NAA16: variants seen among roughly 807,000 people sequenced by gnomAD.
NAA16 encodes the protein NARG1-like protein.
Under a neutral mutation model 110.3 loss-of-function variants are expected in NAA16, and 97 were observed. The ratio of observed to expected loss-of-function variants is 0.88; its 90% confidence interval spans 0.75 to 1.04. The LOEUF (loss-of-function observed/expected upper bound fraction) is 1.04. NAA16 is among the 50% of genes least tolerant of loss of function. The pLI is 0.00. For synonymous variants in NAA16, 372 were observed against 330.6 expected, an observed-to-expected ratio of 1.13 and a Z score of -1.36; for missense variants, 1,017 against 1,005.1, an observed-to-expected ratio of 1.01 and a Z score of -0.16.
chr13:41,354,269 A>G (rs146561643), intron 9 of NAA16, among the ~76,000 whole-genome samples: 56 of 152,336 alleles, frequency 3.7e-4, no homozygotes, highest in Non-Finnish European at 6.9e-4. Flanking sequence ...TTTCATGGAC[A>G]CTGTCCTGTG....
chr13:41,372,259 T>G lies in NAA16; in HGVS notation c.2004T>G (p.Val668=). The change falls in exon 16 of 20, where the codon GTT becomes GTG. Residue 668 remains valine (V), a synonymous_variant. Transcript: ENST00000379406. ...TCCTTATACCTCTTAAGAACCTTGT[T>G]GCTGATAACATTGACACTCATCTGT... is the stretch of plus-strand genomic sequence containing the variant. ...VKFLIPLKNL[V]ADNIDTHLLA... 1 of 1,604,762 alleles carries G rather than the reference T, an allele frequency of 6.2e-7. No homozygotes were observed. The highest frequency in any genetic ancestry group is 8.5e-7 in the Non-Finnish European group (1 of 1,176,294).
intron 10 of NAA16, among the ~76,000 whole-genome samples, chr13:41,357,669 C>T (rs2043021222): frequency 6.6e-6 from 1 of 152,128 alleles, no homozygotes; most frequent in Non-Finnish European, 1.5e-5. Context: ...CTTGATATTT[C>T]TTTTCTGCTC....
At position 41,336,641 on chromosome 13, in the gene NAA16, T is replaced by C; in HGVS notation, c.908-9T>C. ...ACCAAAGAATAACAAAGTACGCTTT[T>C]GTTTCTAGGTGAAAGATTTAGAGAA... On this transcript the variant is annotated splice_polypyrimidine_tract_variant and intron_variant, in intron 8 of 19. Transcript: ENST00000379406. 6.7e-7 allele frequency: 1 copy of C among 1,494,772 alleles called. No individual in the cohort carries two copies. The highest frequency in any genetic ancestry group is 9.2e-7 in the Non-Finnish European group (1 of 1,091,894). 92.6% of individuals were successfully genotyped at this position (1,494,772 alleles called of 1,614,324 possible).
In NAA16 at chr13:41,375,599, T is replaced by C; in HGVS notation, c.2592T>C (p.Ile864=). The change falls in exon 20 of 20, where the codon ATT becomes ATC. Residue 864 remains isoleucine, a synonymous_variant. Coordinates refer to ENST00000379406, the MANE Select transcript of NAA16 (RefSeq NM_024561.5). ...TANYDVLANE[I] ...ATTATGATGTCTTGGCAAATGAAATTTGAAATCTTCTAGAAAGTAGACTCC... is the reference window on the plus strand; with the variant it reads ...ATTATGATGTCTTGGCAAATGAAATCTGAAATCTTCTAGAAAGTAGACTCC... 1.2e-6 allele frequency: 2 copies of C among 1,611,438 alleles called. No individual in the cohort carries two copies. The highest frequency in any genetic ancestry group is 3.3e-5 in the Admixed American group (2 of 59,862).
At chr13:41,336,282 G>T (rs1339314466) in intron 8 of NAA16, among the ~76,000 whole-genome samples, 2 of 152,104 alleles carry the variant, frequency 1.3e-5, no homozygotes, top group Non-Finnish European at 2.9e-5. Context: ...GAATGAATGA[G>T]TGTTGAAGTA....
intron 9 of NAA16, among the ~76,000 whole-genome samples, chr13:41,338,011 G>A (rs920980150): frequency 9.2e-5 from 14 of 152,172 alleles, no homozygotes; most frequent in Admixed American, 4.6e-4. Context: ...CTGTTGTATG[G>A]TCTATTTGAC....
At position 41,373,717 on chromosome 13, in the gene NAA16, T is replaced by G; in HGVS notation, c.2236T>G (p.Leu746Val). The change falls in exon 18 of 20, where the codon TTG becomes GTG. Residue 746 changes from leucine (L) to valine (V), a missense_variant. Physicochemically the swap from Leu to Val is conservative, Grantham distance 32. Coordinates refer to ENST00000379406, the MANE Select transcript of NAA16 (RefSeq NM_024561.5). ...GCAGAAAATATTTGTCAAAAAGGAT[T>G]TGGAAAGTTTTAATGAGGATTTTCT... ...EMQKIFVKKD[L>V]ESFNEDFLKR... 1 of 1,610,872 alleles carries G rather than the reference T, an allele frequency of 6.2e-7. No individual in the cohort carries two copies. The highest frequency in any genetic ancestry group is 8.5e-7 in the Non-Finnish European group (1 of 1,178,872).
intron 9 of NAA16, among the ~76,000 whole-genome samples, chr13:41,340,666 T>G (rs1358610314): frequency 6.0e-4 from 56 of 93,438 alleles, no homozygotes; most frequent in African/African-American, 3.2e-3. Flanking sequence ...TTTTTTTTTT[T>G]TTTTTTTTTT....
At chr13:41,346,738 A>G (rs971088221) in intron 9 of NAA16, among the ~76,000 whole-genome samples, 19 of 152,250 alleles carry the variant, frequency 1.2e-4, no homozygotes, top group African/African-American at 4.1e-4. Context: ...CTTGCATATT[A>G]AAGACATACT....
chr13:41,370,879 T>C (rs554837051), intron 15 of NAA16, among the ~76,000 whole-genome samples: 2 of 152,292 alleles, frequency 1.3e-5, no homozygotes, highest in South Asian at 2.1e-4. Flanking sequence ...TAGAACATTA[T>C]GAAAGTCTGG....
chr13:41,340,646 A>G (rs1303338822), intron 9 of NAA16, among the ~76,000 whole-genome samples: 3 of 83,672 alleles, frequency 3.6e-5, no homozygotes, highest in Admixed American at 1.5e-4. Context: ...GTTTTGAGTG[A>G]GTTTTTTTTT....
chr13:41,375,000 GCTT>G (rs2043400862), intron 19 of NAA16, among the ~76,000 whole-genome samples, 161 bp downstream of exon 19: 1 of 152,150 alleles, frequency 6.6e-6, no homozygotes. Context: ...ATGTCTCTTA[GCTT>G]CTTTTTCCTC....
intron 4 of NAA16, among the ~76,000 whole-genome samples, chr13:41,321,741 T>C (rs1593416106): frequency 7.0e-6 from 1 of 143,508 alleles, no homozygotes; most frequent in Admixed American, 7.2e-5. Flanking sequence ...CTTCGTATCC[T>C]AGAATCAGTA....
intron 5 of NAA16, among the ~76,000 whole-genome samples, chr13:41,323,652 ATT>A (rs149585307): frequency 2.2e-5 from 3 of 137,240 alleles, no homozygotes; most frequent in African/African-American, 2.7e-5. Context: ...GCGCCCGGCC[ATT>A]TTTTTTTTTT....
At position 41,369,104 on chromosome 13, in the gene NAA16, A is replaced by G; in HGVS notation, c.1768A>G (p.Lys590Glu). ...GATATTTATAGAAAACTTGTCAGCC[A>G]AAGAATTGAAGAAAATGCTTAGCAA... Reference protein sequence around the residue: ...QEINSENLSAKELKKMLSKQR... With the variant: ...QEINSENLSAEELKKMLSKQR... The change falls in exon 15 of 20, where the codon AAA becomes GAA. Residue 590 changes from lysine (K) to glutamate (E), a missense_variant. Physicochemically the swap from Lys to Glu is moderately conservative, Grantham distance 56. Transcript: ENST00000379406. 1 of 1,563,214 alleles carries G rather than the reference A, an allele frequency of 6.4e-7. No individual in the cohort carries two copies. The highest frequency in any genetic ancestry group is 8.6e-7 in the Non-Finnish European group (1 of 1,164,940).
intron 9 of NAA16, among the ~76,000 whole-genome samples, chr13:41,349,968 A>G (rs1275001973): frequency 6.6e-6 from 1 of 150,994 alleles, no homozygotes; most frequent in Non-Finnish European, 1.5e-5. Flanking sequence ...CTCAAAAAAA[A>G]AAAAAAAAGT....
At position 41,369,110 on chromosome 13, in the gene NAA16, T is replaced by C. The variant is rs1208228106; in HGVS notation, c.1774T>C (p.Leu592=). 3 of 1,563,532 alleles carry C rather than the reference T, an allele frequency of 1.9e-6. No homozygotes were observed. Among genetic ancestry groups the C allele is most frequent in the Non-Finnish European group, 2.6e-6 (3 of 1,164,998 alleles). Residue 592 remains leucine (L), a synonymous_variant, in exon 15 of 20, where the codon TTG becomes CTG. Coordinates refer to ENST00000379406, the MANE Select transcript of NAA16 (RefSeq NM_024561.5). ...TATAGAAAACTTGTCAGCCAAAGAA[T>C]TGAAGAAAATGCTTAGCAAGCAGAG... The part of the protein sequence containing the change: ...INSENLSAKE[L]KKMLSKQRRA...
intron 8 of NAA16, among the ~76,000 whole-genome samples, chr13:41,336,147 A>T (rs1199808474): frequency 6.6e-6 from 1 of 151,836 alleles, no homozygotes; most frequent in African/African-American, 2.4e-5. Flanking sequence ...ACTCACTGAG[A>T]TGTTAAGTTC....
intron 9 of NAA16, among the ~76,000 whole-genome samples, chr13:41,338,931 C>A (rs1204252570): frequency 6.6e-6 from 1 of 152,088 alleles, no homozygotes; most frequent in East Asian, 1.9e-4. Flanking sequence ...GCAGTAAGAC[C>A]TGTTTTTAGT....
Sources: gnomAD v4.1 joint callset for allele counts (sites outside exome capture counted in the v4.1 genomes callset) on GRCh38, gnomAD v4.1.1 for gene constraint, MANE v1.5 for transcripts, NCBI Gene and HGNC (gene_info 2026-07-23, HGNC 2026-07-21) for gene names.